The following EDC3 variants were observed in gnomAD, a reference collection of about 807,000 sequenced individuals.
EDC3 encodes enhancer of mRNA decapping 3.
Under a neutral mutation model 41.8 loss-of-function variants are expected in EDC3, and 20 were observed. That is an observed-to-expected ratio of 0.48 (90% CI 0.34 to 0.70). EDC3 has a LOEUF of 0.70. Ranked by LOEUF, EDC3 falls within the 30% of genes least tolerant of loss-of-function variation. EDC3 has a pLI of 0.01. For missense variants in EDC3, 444 were observed against 636.8 expected (o/e 0.70, Z 3.26); for synonymous variants, 206 against 243.2 (o/e 0.85, Z 1.42).
chr15:74,671,394 C>T lies in EDC3; in HGVS notation c.484+61G>A. The T allele has an allele frequency of 6.5e-7, 1 of 1,537,864 alleles. No homozygotes were observed. The highest frequency in any genetic ancestry group is 8.8e-7 in the Non-Finnish European group (1 of 1,130,086). On this transcript the variant is annotated intron_variant, in intron 3 of 6. Transcript: ENST00000315127. The surrounding 1 kb of genome is among the most constrained non-coding windows in gnomAD (Gnocchi z 4.6). ...AGGATTTGTTTAAAGAGCAGCAGTG[C>T]TTATGGCTTATAGCCCTGAAACACC... is the stretch of plus-strand genomic sequence containing the variant.
intron 4 of EDC3, chr15:74,642,229 A>G (rs1464336233): frequency 6.6e-6 from 1 of 152,272 alleles, no homozygotes; most frequent in Non-Finnish European, 1.5e-5. Context: ...CTAACGTATC[A>G]AATAAACACT....
intron 2 of EDC3, among the ~76,000 whole-genome samples, chr15:74,674,028 A>G (rs1360607920): frequency 6.6e-6 from 1 of 152,220 alleles, no homozygotes; most frequent in Non-Finnish European, 1.5e-5. Flanking sequence ...TATGTGGAAT[A>G]CATGCAAAGA....
chr15:74,682,285 G>A (rs1359267115), intron 1 of EDC3, among the ~76,000 whole-genome samples: 1 of 152,098 alleles, frequency 6.6e-6, no homozygotes, highest in Non-Finnish European at 1.5e-5. Context: ...TCCCACCACT[G>A]CACTCTAGCC....
intron 5 of EDC3, chr15:74,636,560 G>A (rs1246364278): frequency 6.6e-6 from 1 of 152,258 alleles, no homozygotes; most frequent in East Asian, 1.9e-4. Context: ...CAGCACAGTT[G>A]GCTCACGGGG....
At chr15:74,653,272 C>T (rs913687435) in intron 4 of EDC3, among the ~76,000 whole-genome samples, 1 of 151,912 alleles carries the variant, frequency 6.6e-6, no homozygotes, top group African/African-American at 2.4e-5. Flanking sequence ...ATCAACTAAC[C>T]TAACACTAAC....
intron 1 of EDC3, among the ~76,000 whole-genome samples, chr15:74,685,436 G>A (rs2062924736): frequency 1.5e-5 from 2 of 137,248 alleles, no homozygotes; most frequent in African/African-American, 6.2e-5. Flanking sequence ...TAGATAGATA[G>A]TGTGTGTGTC....
chr15:74,658,809 A>G (rs746973413), intron 3 of EDC3, among the ~76,000 whole-genome samples: 29 of 152,060 alleles, frequency 1.9e-4, no homozygotes, highest in South Asian at 4.2e-4. Flanking sequence ...GCATGGTGGC[A>G]TGCGCCTGTA....
chr15:74,677,518 C>T (rs1447764807), intron 1 of EDC3, among the ~76,000 whole-genome samples: 3 of 151,998 alleles, frequency 2.0e-5, no homozygotes, highest in Admixed American at 6.6e-5. Flanking sequence ...CACGTGCCAC[C>T]ACACCCAGCT....
chr15:74,644,922 TGTACTCCCTGATGTGAC>T (rs771310100), intron 4 of EDC3: 81 of 152,234 alleles, frequency 5.3e-4, no homozygotes, highest in East Asian at 5.8e-4. Context: ...GGGGATACAA[TGTACTCCCTGATGTGAC>T]GTACTCCCTG....
At chr15:74,685,320 T>C (rs1009482978) in intron 1 of EDC3, among the ~76,000 whole-genome samples, 1 of 152,114 alleles carries the variant, frequency 6.6e-6, no homozygotes, top group Admixed American at 6.6e-5. Flanking sequence ...GGAGGACCAC[T>C]TGAGCCCGGA....
In EDC3 at chr15:74,642,278, C is replaced by T. The variant is rs534369736; in HGVS notation, c.821-1659G>A. 75 of 152,290 alleles carry T rather than the reference C, an allele frequency of 4.9e-4. 1 individual carries two copies. Among genetic ancestry groups the T allele is most frequent in the African/African-American group, 1.7e-3 (71 of 41,542 alleles). 9.4% of individuals were successfully genotyped at this position (152,290 alleles called of 1,614,324 possible). ...TGGCTAACTGAGCCCCTCTACCTGCCCAAGTCCTATTCCTGGGCTGGGGAG... is the reference window on the plus strand; with the variant it reads ...TGGCTAACTGAGCCCCTCTACCTGCTCAAGTCCTATTCCTGGGCTGGGGAG... On this transcript the variant is annotated intron_variant, in intron 4 of 6. Transcript: ENST00000315127.
At chr15:74,674,074 T>C (rs1261114532) in intron 2 of EDC3, among the ~76,000 whole-genome samples, 1 of 152,038 alleles carries the variant, frequency 6.6e-6, no homozygotes, top group African/African-American at 2.4e-5. Flanking sequence ...TAAAGGACAG[T>C]ACTGTACTTT....
At chr15:74,647,156 T>C (rs1208547413) in intron 4 of EDC3, among the ~76,000 whole-genome samples, 1 of 152,154 alleles carries the variant, frequency 6.6e-6, no homozygotes, top group East Asian at 1.9e-4. Flanking sequence ...ACTACAGGCA[T>C]GTGCCACCAC....
At chr15:74,679,266 T>G (rs1478096598) in intron 1 of EDC3, among the ~76,000 whole-genome samples, 1 of 152,056 alleles carries the variant, frequency 6.6e-6, no homozygotes, top group Non-Finnish European at 1.5e-5. Flanking sequence ...AACTCTGACG[T>G]GAAAGCCTCC....
At chr15:74,685,222 C>A (rs1264428449) in intron 1 of EDC3, among the ~76,000 whole-genome samples, 1 of 151,824 alleles carries the variant, frequency 6.6e-6, no homozygotes, top group Non-Finnish European at 1.5e-5. Flanking sequence ...TAGGGAGACC[C>A]CATCTCTGCA....
Position 74,671,317 on chromosome 15 carries a change from C to T in EDC3, c.484+138G>A, listed in dbSNP as rs929141511. 60 of 986,462 alleles carry T rather than the reference C, an allele frequency of 6.1e-5. No homozygotes were observed. Among genetic ancestry groups the T allele is most frequent in the Non-Finnish European group, 8.2e-5 (55 of 669,546 alleles). The allele number at this position is 986,462 out of a possible 1,614,324, so 61.1% of individuals were successfully genotyped here. ...GGAATGAGGCCTGGAGGAAGAGAACCATGTTGTATTTCTGTGACGCTCAGC... is the reference window on the plus strand; with the variant it reads ...GGAATGAGGCCTGGAGGAAGAGAACTATGTTGTATTTCTGTGACGCTCAGC... On this transcript the variant is annotated intron_variant, in intron 3 of 6. Transcript: ENST00000315127. The surrounding 1 kb of genome is among the most constrained non-coding windows in gnomAD (Gnocchi z 4.6).
intron 1 of EDC3, among the ~76,000 whole-genome samples, chr15:74,686,837 G>A (rs2062943566): frequency 6.6e-6 from 1 of 151,752 alleles, no homozygotes; most frequent in Admixed American, 6.6e-5. Flanking sequence ...CACTCCTCCA[G>A]GCCAGCCGCA....
At chr15:74,695,438 T>G (rs879755261) in intron 1 of EDC3, 1 of 152,124 alleles carries the variant, frequency 6.6e-6, no homozygotes, top group African/African-American at 2.4e-5. Context: ...AGGTATAAAT[T>G]TCTCAGGCAT....
chr15:74,670,392 T>C (rs1596322579), intron 3 of EDC3, among the ~76,000 whole-genome samples: 1 of 152,156 alleles, frequency 6.6e-6, no homozygotes, highest in South Asian at 2.1e-4. Flanking sequence ...AAGGCAGCTA[T>C]GCTCACCATC....
Sources: allele counts gnomAD v4.1 joint callset (sites outside exome capture counted in the v4.1 genomes callset), GRCh38; gene constraint gnomAD v4.1.1; non-coding constraint Gnocchi (gnomAD v3.1); transcripts MANE v1.5; gene names NCBI Gene and HGNC (gene_info 2026-07-23, HGNC 2026-07-21).